The following RUNX1 variants were observed in gnomAD, a reference collection of about 807,000 sequenced individuals.
RUNX1 encodes the protein RUNX family transcription factor 1.
In RUNX1, 19 loss-of-function variants were observed where a neutral mutation model predicts 42.8. That is an observed-to-expected ratio of 0.44 (90% CI 0.31 to 0.65). The LOEUF is 0.65. Ranked by LOEUF, RUNX1 falls within the 30% of genes least tolerant of loss-of-function variation. The pLI, the probability that RUNX1 is intolerant of heterozygous loss-of-function variation, is 0.07. For synonymous variants in RUNX1, 271 were observed against 289.4 expected, an observed-to-expected ratio of 0.94 and a Z score of 0.64; for missense variants, 528 against 672.0, an observed-to-expected ratio of 0.79 and a Z score of 2.37.
intron 2 of RUNX1, among the ~76,000 whole-genome samples, chr21:35,036,892 G>A (rs2059312452): frequency 1.3e-5 from 2 of 152,126 alleles, no homozygotes; most frequent in Non-Finnish European, 2.9e-5. Flanking sequence ...CCCTGGCTAG[G>A]GTCAGTCAGG....
chr21:34,944,303 T>C (rs552150788), intron 2 of RUNX1, among the ~76,000 whole-genome samples: 19 of 152,336 alleles, frequency 1.2e-4, no homozygotes, highest in Admixed American at 1.1e-3. Flanking sequence ...CCACTGTGCC[T>C]GTCCCCAACA....
intron 2 of RUNX1, among the ~76,000 whole-genome samples, chr21:35,040,770 CCAAAAAAAAA>C (rs1295625204): frequency 2.0e-5 from 1 of 50,988 alleles, no homozygotes; most frequent in African/African-American, 4.9e-5. Flanking sequence ...TAGACTCCAT[CCAAAAAAAAA>C]AAAAAAAAAA....
intron 3 of RUNX1, chr21:34,888,226 C>G: frequency 9.4e-7 from 1 of 1,067,002 alleles, no homozygotes; most frequent in Non-Finnish European, 1.1e-6. Context: ...GGCACGAACA[C>G]CCACGAGCGC....
intron 2 of RUNX1, among the ~76,000 whole-genome samples, chr21:34,986,811 T>A (rs995123849): frequency 5.3e-5 from 8 of 152,028 alleles, no homozygotes; most frequent in Admixed American, 5.2e-4. Context: ...AATTCTAGCC[T>A]CTAGGGCTGT....
At chr21:34,947,127 T>C (rs1601598144) in intron 2 of RUNX1, among the ~76,000 whole-genome samples, 1 of 152,248 alleles carries the variant, frequency 6.6e-6, no homozygotes, top group Non-Finnish European at 1.5e-5. Flanking sequence ...TGGCTTTGCA[T>C]GTGTCATCTT....
In RUNX1 at chr21:34,792,471, C is replaced by G. The variant is rs1445295022; in HGVS notation, c.1107G>C (p.Ser369=). The G allele has an allele frequency of 1.9e-6, 3 of 1,585,578 alleles. No individual in the cohort carries two copies. Among genetic ancestry groups the G allele is most frequent in the Admixed American group, 1.8e-5 (1 of 55,476 alleles). Residue 369 remains serine (S), a synonymous_variant, in exon 9 of 9, where the codon TCG becomes TCC. Transcript: ENST00000675419. This position sits in a 1 kb window ranked among gnomAD's most constrained non-coding sequence, Gnocchi z 6.9. ...PVTSGIGIGM[S]AMGSATRYHT... ...GGTAGCGCGTGGCCGAGCCCATGGC[C>G]GACATGCCGATGCCGATGCCCGAGG...
intron 2 of RUNX1, among the ~76,000 whole-genome samples, chr21:35,021,889 A>G (rs550912327): frequency 3.3e-5 from 5 of 152,224 alleles, no homozygotes; most frequent in African/African-American, 1.2e-4. Context: ...CTCCTCTCAT[A>G]AGGCGGAAGA....
chr21:34,858,952 ACT>A (rs1220199978), intron 6 of RUNX1, among the ~76,000 whole-genome samples: 1 of 151,804 alleles, frequency 6.6e-6, no homozygotes, highest in Non-Finnish European at 1.5e-5. Flanking sequence ...CTACCCTCCC[ACT>A]CTCTATCTTA....
At chr21:34,908,557 T>C (rs2058244271) in intron 2 of RUNX1, among the ~76,000 whole-genome samples, 1 of 152,008 alleles carries the variant, frequency 6.6e-6, no homozygotes, top group African/African-American at 2.4e-5. Flanking sequence ...CTGCAAGGTG[T>C]TTCCTGGGTT....
At chr21:34,919,095 A>G (rs2058334726) in intron 2 of RUNX1, among the ~76,000 whole-genome samples, 1 of 152,162 alleles carries the variant, frequency 6.6e-6, no homozygotes, top group Non-Finnish European at 1.5e-5. Flanking sequence ...TTCCTATTAC[A>G]CTAATTTTAC....
chr21:34,946,002 G>A (rs77040719), intron 2 of RUNX1, among the ~76,000 whole-genome samples: 1,594 of 152,242 alleles, frequency 0.01, 21 homozygotes, highest in African/African-American at 0.037. Flanking sequence ...GTTTGGATGC[G>A]TTCTCCTGTT....
intron 2 of RUNX1, among the ~76,000 whole-genome samples, chr21:34,896,528 C>T (rs1382307328): frequency 6.6e-6 from 1 of 152,040 alleles, no homozygotes; most frequent in Non-Finnish European, 1.5e-5. Flanking sequence ...ACTAAAAATA[C>T]AAAAATTAGC....
intron 5 of RUNX1, among the ~76,000 whole-genome samples, chr21:34,877,003 C>T (rs1371033299): frequency 6.6e-6 from 1 of 151,980 alleles, no homozygotes; most frequent in Non-Finnish European, 1.5e-5. Context: ...ATTACAGGCG[C>T]CCGCCACCAC....
At chr21:34,873,768 T>C (rs2057772967) in intron 5 of RUNX1, among the ~76,000 whole-genome samples, 1 of 152,232 alleles carries the variant, frequency 6.6e-6, no homozygotes, top group South Asian at 2.1e-4. Context: ...CAGTGCAAAC[T>C]GAATGCCGTC....
intron 2 of RUNX1, among the ~76,000 whole-genome samples, chr21:34,916,382 G>C (rs1181542913): frequency 6.6e-6 from 1 of 152,174 alleles, no homozygotes; most frequent in African/African-American, 2.4e-5. Flanking sequence ...TCCTGTCCTG[G>C]AGAATTTGAG....
At chr21:35,048,737 A>G in intron 2 of RUNX1, 105 bp downstream of exon 2, 3 of 898,642 alleles carry the variant, frequency 3.3e-6, no homozygotes, top group Non-Finnish European at 5.7e-6. Context: ...AAGACAGGGA[A>G]CTGGCAGGCA....
intron 2 of RUNX1, among the ~76,000 whole-genome samples, chr21:34,945,050 T>C (rs1333396155): frequency 6.6e-6 from 1 of 152,202 alleles, no homozygotes; most frequent in Non-Finnish European, 1.5e-5. Flanking sequence ...AAATAAGTTA[T>C]TTCATGGAGA....
Position 35,048,928 on chromosome 21 carries a change from T to G in RUNX1, c.-29A>C. ...TTCCTCCTGAAAATGCACCCTCTTC[T>G]GAAGGCGGGGGACTCAATGATTTCT... On this transcript the variant is annotated 5_prime_UTR_variant, in exon 2 of 9. Transcript: ENST00000675419. The G allele has an allele frequency of 6.2e-7, 1 of 1,606,818 alleles. No homozygotes were observed. Among genetic ancestry groups the G allele is most frequent in the Non-Finnish European group, 8.5e-7 (1 of 1,173,568 alleles).
At chr21:34,987,531 A>G (rs2058899633) in intron 2 of RUNX1, among the ~76,000 whole-genome samples, 1 of 152,108 alleles carries the variant, frequency 6.6e-6, no homozygotes, top group Non-Finnish European at 1.5e-5. Flanking sequence ...GTCAAGGGGG[A>G]GATGAGCCAT....
Sources: allele counts gnomAD v4.1 joint callset (sites outside exome capture counted in the v4.1 genomes callset), GRCh38; gene constraint gnomAD v4.1.1; non-coding constraint Gnocchi (gnomAD v3.1); transcripts MANE v1.5; gene names NCBI Gene and HGNC (gene_info 2026-07-23, HGNC 2026-07-21).